Variants in FGD4 observed in about 807,000 individuals in gnomAD.
FGD4 encodes the protein FYVE, RhoGEF and PH domain-containing protein 4.
A neutral mutation model predicts 102.0 loss-of-function variants in FGD4; 42 were observed. The observed-to-expected ratio is 0.41, with a 90% confidence interval of 0.32 to 0.53. The LOEUF (loss-of-function observed/expected upper bound fraction) is 0.53, where lower values mean the gene tolerates loss of function less well. FGD4 is among the 20% of genes least tolerant of loss of function. FGD4 has a pLI of 0.21. For synonymous variants in FGD4, 380 were observed against 375.7 expected (o/e 1.01, Z -0.13); for missense variants, 902 against 1,078.2 (o/e 0.84, Z 2.29).
intron 10 of FGD4, among the ~76,000 whole-genome samples, chr12:32,618,690 G>C (rs528522118): frequency 1.4e-4 from 21 of 152,274 alleles, no homozygotes; most frequent in South Asian, 8.3e-4. Context: ...TTTAATTGAG[G>C]CCGGGCATGG....
In FGD4 at chr12:32,579,039, G is replaced by GTTTTTTTTT. The variant is rs35186090; in HGVS notation, c.503+2606_503+2614dup. On this transcript the variant is annotated intron_variant, in intron 3 of 16. Transcript: ENST00000534526. ...GTTTCTACAGACCTGAACATTAGTG[G>GTTTTTTTTT]TTTTTTTTTTTTTTTTTTTTTTTTG... 1.5e-3 allele frequency among the ~76,000 whole-genome samples: 97 copies of GTTTTTTTTT among 66,142 alleles called. 9 individuals are homozygous for GTTTTTTTTT. The highest frequency in any genetic ancestry group is 2.7e-3 in the South Asian group (4 of 1,462). The allele number at this position is 66,142 out of a possible 152,430, so 43.4% of individuals were successfully genotyped here. A position where few individuals can be genotyped will look rare whatever the true frequency, so the allele number is the denominator to read the frequency against.
At chr12:32,402,356 T>A (rs546188817) in intron 1 of FGD4, among the ~76,000 whole-genome samples, 19 of 151,574 alleles carry the variant, frequency 1.3e-4, no homozygotes, top group Non-Finnish European at 2.2e-4. Flanking sequence ...CATGATCGTT[T>A]CACTGTATTC....
intron 1 of FGD4, among the ~76,000 whole-genome samples, chr12:32,479,962 G>A (rs1313391325): frequency 6.6e-6 from 1 of 150,424 alleles, no homozygotes; most frequent in African/African-American, 2.4e-5. Context: ...CTAATTTTTT[G>A]TATTTTCTTA....
intron 3 of FGD4, among the ~76,000 whole-genome samples, chr12:32,579,102 A>G (rs1481897317): frequency 7.9e-6 from 1 of 127,196 alleles, no homozygotes; most frequent in Non-Finnish European, 1.6e-5. Flanking sequence ...GCTGGAGGGC[A>G]ATGGCACGAT....
intron 1 of FGD4, among the ~76,000 whole-genome samples, chr12:32,532,004 T>TAA (rs1941859301): frequency 6.6e-6 from 1 of 152,218 alleles, no homozygotes; most frequent in African/African-American, 2.4e-5. Context: ...CTTTCATCTA[T>TAA]AAAGATTAAA....
chr12:32,573,556 T>A (rs993095824), intron 2 of FGD4, among the ~76,000 whole-genome samples: 2 of 152,238 alleles, frequency 1.3e-5, no homozygotes, highest in African/African-American at 4.8e-5. Context: ...TCTGTTACTT[T>A]TATTACATTA....
chr12:32,480,948 T>A (rs1022609673), intron 1 of FGD4, among the ~76,000 whole-genome samples: 1 of 151,112 alleles, frequency 6.6e-6, no homozygotes, highest in African/African-American at 2.4e-5. Flanking sequence ...GGACCATAGG[T>A]GTGCATGGCC....
intron 2 of FGD4, among the ~76,000 whole-genome samples, chr12:32,567,606 A>G (rs1044885181): frequency 2.6e-5 from 4 of 152,222 alleles, no homozygotes; most frequent in African/African-American, 9.6e-5. Context: ...ACTCTCACCT[A>G]GATAAAAATA....
chr12:32,415,867 C>G lies in FGD4; in HGVS notation c.166+15908C>G, dbSNP rs140454020. Among the ~76,000 whole-genome samples the G allele has an allele frequency of 1.2e-3, 183 of 152,302 alleles. 1 individual carries two copies. The highest frequency in any genetic ancestry group is 4.2e-3 in the African/African-American group (176 of 41,564). On this transcript the variant is annotated intron_variant, in intron 1 of 16. Coordinates refer to ENST00000534526, the MANE Select transcript of FGD4 (RefSeq NM_001370298.3). ...CCTATTTCATCTGATATAAGTATAG[C>G]TACTCCTGCTCTTTTTTTGTTTTCA...
At chr12:32,479,116 G>T (rs983084275) in intron 1 of FGD4, among the ~76,000 whole-genome samples, 1 of 152,164 alleles carries the variant, frequency 6.6e-6, no homozygotes, top group African/African-American at 2.4e-5. Context: ...AACAGGAAAT[G>T]TTCACTGTAA....
At chr12:32,417,693 T>C (rs188978) in intron 1 of FGD4, among the ~76,000 whole-genome samples, 80,413 of 151,376 alleles carry the variant, frequency 0.53, 22,081 homozygotes, top group African/African-American at 0.68. Flanking sequence ...CCAGGCTTAC[T>C]AATTCTTTCT....
chr12:32,423,492 C>T (rs2958117), intron 1 of FGD4, among the ~76,000 whole-genome samples: 48,946 of 149,856 alleles, frequency 0.33, 8,688 homozygotes, highest in East Asian at 0.45. Flanking sequence ...CTTGGGAGGC[C>T]GAGGCAGGAG....
intron 1 of FGD4, among the ~76,000 whole-genome samples, chr12:32,509,818 C>T (rs1939175485): frequency 1.3e-5 from 2 of 152,198 alleles, no homozygotes; most frequent in African/African-American, 4.8e-5. Context: ...CCTGTCAGCC[C>T]CACTACTCTG....
intron 1 of FGD4, among the ~76,000 whole-genome samples, chr12:32,516,578 T>TGCTTACATTG (rs1939912921): frequency 2.6e-5 from 4 of 152,226 alleles, no homozygotes; most frequent in Admixed American, 2.6e-4. Flanking sequence ...CTGTTGTAAA[T>TGCTTACATTG]ATATATGCTT....
chr12:32,514,537 G>A (rs1489724158), intron 1 of FGD4, among the ~76,000 whole-genome samples: 1 of 151,830 alleles, frequency 6.6e-6, no homozygotes, highest in Non-Finnish European at 1.5e-5. Flanking sequence ...TTTGAGACAG[G>A]GTCTCACTCT....
At chr12:32,499,124 A>G (rs1264097394) in intron 1 of FGD4, among the ~76,000 whole-genome samples, 1 of 152,234 alleles carries the variant, frequency 6.6e-6, no homozygotes, top group African/African-American at 2.4e-5. Flanking sequence ...AACATTCCCA[A>G]GGTTATTCCA....
chr12:32,473,242 C>T (rs1362249141), intron 1 of FGD4, among the ~76,000 whole-genome samples: 3 of 152,056 alleles, frequency 2.0e-5, no homozygotes, highest in Admixed American at 2.0e-4. Context: ...CCAGCATTGG[C>T]AACCTGCTCG....
At chr12:32,627,718 G>A (rs554000936) in intron 14 of FGD4, among the ~76,000 whole-genome samples, 2 of 152,284 alleles carry the variant, frequency 1.3e-5, no homozygotes, top group East Asian at 3.9e-4. Context: ...ACTCAGGCCA[G>A]CGAAGGCAGA....
At chr12:32,471,798 G>A (rs1943420741) in intron 1 of FGD4, among the ~76,000 whole-genome samples, 1 of 152,120 alleles carries the variant, frequency 6.6e-6, no homozygotes. Flanking sequence ...GGGAGGCAGT[G>A]GATGCTACCC....
Sources: gnomAD v4.1 joint callset for allele counts (sites outside exome capture counted in the v4.1 genomes callset) on GRCh38, gnomAD v4.1.1 for gene constraint, MANE v1.5 for transcripts, NCBI Gene and HGNC (gene_info 2026-07-23, HGNC 2026-07-21) for gene names.